Variants in TTC39B observed in about 807,000 individuals in gnomAD.
The protein encoded by TTC39B is tetratricopeptide repeat domain 39B.
TTC39B carries 92 observed loss-of-function variants against 96.6 expected under a neutral mutation model. The observed-to-expected ratio is 0.95, with a 90% CI of 0.80 to 1.13. The LOEUF is 1.13. TTC39B is among the 50% of genes most tolerant of loss of function. TTC39B has a pLI of 0.00. For missense variants in TTC39B, 955 were observed against 809.3 expected, an observed-to-expected ratio of 1.18 and a Z score of -2.18; for synonymous variants, 367 against 299.4, an observed-to-expected ratio of 1.23 and a Z score of -2.33.
intron 1 of TTC39B, among the ~76,000 whole-genome samples, chr9:15,302,051 G>T (rs999631635): frequency 8.6e-5 from 13 of 152,004 alleles, no homozygotes; most frequent in African/African-American, 3.1e-4. Context: ...GGTTGGGCAC[G>T]GTGGCTCACG....
At chr9:15,251,559 C>G in intron 2 of TTC39B, among the ~76,000 whole-genome samples, 1 of 151,370 alleles carries the variant, frequency 6.6e-6, no homozygotes. Context: ...AAAACTCCAT[C>G]TCAAAAAAAA....
chr9:15,215,743 A>C (rs1286346991), intron 3 of TTC39B, among the ~76,000 whole-genome samples: 1 of 151,830 alleles, frequency 6.6e-6, no homozygotes, highest in Non-Finnish European at 1.5e-5. Context: ...CATTCTTTAT[A>C]ATCCCAGCTA....
At chr9:15,235,452 ACATT>A (rs760352814) in intron 2 of TTC39B, among the ~76,000 whole-genome samples, 1 of 152,206 alleles carries the variant, frequency 6.6e-6, no homozygotes, top group Non-Finnish European at 1.5e-5. Context: ...CAGATACAAG[ACATT>A]CAGAGAACAC....
intron 3 of TTC39B, among the ~76,000 whole-genome samples, chr9:15,215,203 A>C (rs1820441284): frequency 6.6e-6 from 1 of 152,160 alleles, no homozygotes; most frequent in Non-Finnish European, 1.5e-5. Context: ...GTGAGCCATG[A>C]TCACGCCACT....
intron 18 of TTC39B, among the ~76,000 whole-genome samples, chr9:15,176,514 G>C (rs972897554): frequency 1.3e-5 from 2 of 152,120 alleles, no homozygotes; most frequent in East Asian, 1.9e-4. Flanking sequence ...AGGTGGCCAC[G>C]GATGGAAAGG....
At chr9:15,188,008 T>C (rs982980815) in exon 14 of TTC39B, 2 of 1,611,468 alleles carry the variant, frequency 1.2e-6, no homozygotes, top group Non-Finnish European at 8.5e-7. Flanking sequence ...CAGATCTGAA[T>C]AGTAATATGC....
intron 1 of TTC39B, among the ~76,000 whole-genome samples, chr9:15,272,737 A>T (rs1823402206): frequency 6.6e-6 from 1 of 152,054 alleles, no homozygotes; most frequent in African/African-American, 2.4e-5. Flanking sequence ...CCAGCACAGT[A>T]CTCTGTACTT....
exon 18 of TTC39B, chr9:15,177,725 C>G: frequency 6.2e-7 from 1 of 1,613,298 alleles, no homozygotes; most frequent in Non-Finnish European, 8.5e-7. Context: ...TAACATAGTT[C>G]AGCTTGCAAG....
intron 1 of TTC39B, among the ~76,000 whole-genome samples, chr9:15,286,935 T>C (rs1235544086): frequency 6.6e-6 from 1 of 152,338 alleles, no homozygotes; most frequent in East Asian, 1.9e-4. Context: ...TCACAATTTA[T>C]CCCATCTCAG....
At chr9:15,297,483 C>T (rs1436032949) in intron 1 of TTC39B, among the ~76,000 whole-genome samples, 1 of 152,110 alleles carries the variant, frequency 6.6e-6, no homozygotes, top group Non-Finnish European at 1.5e-5. Flanking sequence ...CCAGGTGGAC[C>T]ACCCTGTGAC....
chr9:15,212,681 C>G (rs1000597437), intron 4 of TTC39B, among the ~76,000 whole-genome samples: 2 of 152,204 alleles, frequency 1.3e-5, no homozygotes, highest in African/African-American at 4.8e-5. Flanking sequence ...TCTGCCTCGG[C>G]CTCCCAAAGT....
exon 20 of TTC39B, chr9:15,169,721 G>A (rs1040243744): frequency 6.6e-6 from 1 of 152,166 alleles, no homozygotes; most frequent in Admixed American, 6.5e-5. Flanking sequence ...ACTGTCCATA[G>A]TATCAGGTAA....
chr9:15,222,409 T>G (rs1165052145), intron 3 of TTC39B, among the ~76,000 whole-genome samples: 1 of 152,170 alleles, frequency 6.6e-6, no homozygotes, highest in Non-Finnish European at 1.5e-5. Flanking sequence ...CTTTAGAACT[T>G]TCTCAGCTTG....
chr9:15,252,240 T>G (rs1293962790), intron 2 of TTC39B, among the ~76,000 whole-genome samples: 1 of 152,202 alleles, frequency 6.6e-6, no homozygotes, highest in Non-Finnish European at 1.5e-5. Flanking sequence ...CAAAATTAAT[T>G]AAGTCCAGCT....
intron 5 of TTC39B, 135 bp from the exon 6 acceptor site, chr9:15,210,299 A>G: frequency 1.6e-6 from 1 of 611,044 alleles, no homozygotes; most frequent in Admixed American, 3.3e-5. Flanking sequence ...CCTGAAGTCT[A>G]TAGGACACAG....
intron 1 of TTC39B, among the ~76,000 whole-genome samples, chr9:15,272,552 CA>C (rs1467329898): frequency 3.9e-5 from 6 of 152,314 alleles, no homozygotes; most frequent in African/African-American, 1.4e-4. Flanking sequence ...ATACCAGGGC[CA>C]ACCTTGAAGT....
chr9:15,185,523 G>A (rs1818475527), intron 15 of TTC39B, 117 bp from the exon 16 acceptor site: 1 of 1,493,828 alleles, frequency 6.7e-7, no homozygotes, highest in Admixed American at 2.1e-5. Context: ...AGCATCACCT[G>A]GGAACCTATT....
At chr9:15,224,986 G>A (rs1821043497) in intron 3 of TTC39B, among the ~76,000 whole-genome samples, 1 of 152,142 alleles carries the variant, frequency 6.6e-6, no homozygotes, top group Non-Finnish European at 1.5e-5. Context: ...AGGATCTGCT[G>A]TATAATTCTA....
intron 8 of TTC39B, among the ~76,000 whole-genome samples, chr9:15,198,009 T>C (rs1819275643): frequency 6.6e-6 from 1 of 152,042 alleles, no homozygotes; most frequent in African/African-American, 2.4e-5. Flanking sequence ...AGTCTGAAAG[T>C]AAACAGGAAA....
Sources: allele counts gnomAD v4.1 joint callset (sites outside exome capture counted in the v4.1 genomes callset), GRCh38; gene constraint gnomAD v4.1.1; transcripts MANE v1.5; gene names NCBI Gene and HGNC (gene_info 2026-07-23, HGNC 2026-07-21).